Variants in NUDCD3 observed in about 807,000 individuals in gnomAD.
NUDCD3 encodes nudC domain-containing protein 3.
Under a neutral mutation model 39.7 loss-of-function variants are expected in NUDCD3, and 13 were observed. That is an observed-to-expected ratio of 0.33 (90% CI 0.21 to 0.52). NUDCD3 has a LOEUF of 0.52. Among genes scored for constraint, NUDCD3 ranks in the 20% least tolerant of loss-of-function variants. NUDCD3 has a pLI of 0.96. For synonymous variants in NUDCD3, 175 were observed against 172.4 expected, an observed-to-expected ratio of 1.02 and a Z score of -0.12; for missense variants, 453 against 458.1, an observed-to-expected ratio of 0.99 and a Z score of 0.10.
At chr7:44,490,345 G>C (rs1442796327) in intron 1 of NUDCD3, 64 bp downstream of exon 1, 3 of 1,403,470 alleles carry the variant, frequency 2.1e-6, no homozygotes, top group Non-Finnish European at 2.8e-6. Flanking sequence ...TGGAGGAGCG[G>C]GCGCCAGGAG....
chr7:44,386,543 C>A (rs922190579), intron 5 of NUDCD3, among the ~76,000 whole-genome samples: 3 of 152,190 alleles, frequency 2.0e-5, no homozygotes, highest in African/African-American at 7.2e-5. Flanking sequence ...AGAGAAAGTG[C>A]TCAAGCCCCA....
At chr7:44,420,347 CTG>C (rs1382792299) in intron 3 of NUDCD3, among the ~76,000 whole-genome samples, 1 of 152,048 alleles carries the variant, frequency 6.6e-6, no homozygotes, top group Non-Finnish European at 1.5e-5. Flanking sequence ...ATATGGGACT[CTG>C]TGAAAAGACC....
chr7:44,488,354 AAAAG>A (rs1477335992), intron 1 of NUDCD3, among the ~76,000 whole-genome samples: 2 of 151,582 alleles, frequency 1.3e-5, no homozygotes, highest in Admixed American at 6.6e-5. Context: ...AAAAAAAAAA[AAAAG>A]AAAGAAAAAA....
chr7:44,415,840 C>T (rs1052561898), intron 3 of NUDCD3, among the ~76,000 whole-genome samples: 2 of 152,148 alleles, frequency 1.3e-5, no homozygotes, highest in African/African-American at 2.4e-5. Flanking sequence ...GGGTTACCAT[C>T]GTGACAATGT....
At chr7:44,427,362 G>T (rs1427145185) in intron 3 of NUDCD3, among the ~76,000 whole-genome samples, 2 of 152,176 alleles carry the variant, frequency 1.3e-5, no homozygotes, top group Non-Finnish European at 2.9e-5. Context: ...CCAAAGGGAG[G>T]TTTCTGCAGA....
intron 2 of NUDCD3, among the ~76,000 whole-genome samples, chr7:44,457,437 T>A (rs1042520254): frequency 6.6e-6 from 1 of 152,208 alleles, no homozygotes; most frequent in Non-Finnish European, 1.5e-5. Context: ...CTAAAAACTA[T>A]GCATTAATAA....
At chr7:44,405,686 A>G (rs1798806719) in intron 3 of NUDCD3, among the ~76,000 whole-genome samples, 1 of 152,242 alleles carries the variant, frequency 6.6e-6, no homozygotes, top group African/African-American at 2.4e-5. Flanking sequence ...TCCAAACTGG[A>G]GTTTAGTATT....
In NUDCD3 at chr7:44,490,581, T is replaced by C; in HGVS notation, c.20A>G (p.Glu7Gly). 2 of 1,609,844 alleles carry C rather than the reference T, an allele frequency of 1.2e-6. No homozygotes were observed. The highest frequency in any genetic ancestry group is 1.7e-6 in the Non-Finnish European group (2 of 1,178,256). The change falls in exon 1 of 6, where the codon GAG becomes GGG. Residue 7 changes from glutamate (E) to glycine (G), a missense_variant. Physicochemically the swap from Glu to Gly is moderately conservative, Grantham distance 98. Transcript: ENST00000355451. Reference sequence around the variant, plus strand: ...GCCCAAAAGGGCCTGGTCATACAGCTCGGCCGCCCCTGTCTCCATGTCGCC... The same window carrying C: ...GCCCAAAAGGGCCTGGTCATACAGCCCGGCCGCCCCTGTCTCCATGTCGCC... METGAAELYDQALLGIL... is the reference protein window; with the variant it reads METGAAGLYDQALLGIL...
intron 3 of NUDCD3, among the ~76,000 whole-genome samples, chr7:44,411,221 G>A (rs757551791): frequency 2.6e-5 from 4 of 151,770 alleles, no homozygotes; most frequent in Non-Finnish European, 5.9e-5. Flanking sequence ...GTGATCTTGG[G>A]TTAGGCAACG....
At chr7:44,395,285 A>C (rs1220465430) in intron 4 of NUDCD3, among the ~76,000 whole-genome samples, 1 of 152,258 alleles carries the variant, frequency 6.6e-6, no homozygotes, top group Non-Finnish European at 1.5e-5. Flanking sequence ...TGTGCTGGGC[A>C]GTGCAGCTCT....
At chr7:44,486,616 A>T (rs1398283896) in intron 1 of NUDCD3, among the ~76,000 whole-genome samples, 1 of 152,178 alleles carries the variant, frequency 6.6e-6, no homozygotes, top group Non-Finnish European at 1.5e-5. Context: ...CCCTGACTTC[A>T]TTCTAACATT....
chr7:44,490,378 GC>G (rs1800710793), intron 1 of NUDCD3, 30 bp downstream of exon 1: 1 of 1,494,856 alleles, frequency 6.7e-7, no homozygotes, highest in African/African-American at 1.4e-5. Context: ...GGGGGCGGCG[GC>G]TCCCCAGACC....
intron 2 of NUDCD3, among the ~76,000 whole-genome samples, chr7:44,433,322 A>AGTATGTGTGCACT (rs1366516880): frequency 3.9e-5 from 6 of 152,104 alleles, no homozygotes; most frequent in Non-Finnish European, 7.4e-5. Flanking sequence ...GTGTGGTAAA[A>AGTATGTGTGCACT]GTATGTGTGC....
chr7:44,489,358 T>C (rs1429535160), intron 1 of NUDCD3, among the ~76,000 whole-genome samples: 1 of 152,244 alleles, frequency 6.6e-6, no homozygotes, highest in Non-Finnish European at 1.5e-5. Flanking sequence ...ACCCCATTCC[T>C]CGTTTGGCCC....
chr7:44,476,423 G>A (rs1361288468), intron 2 of NUDCD3, among the ~76,000 whole-genome samples: 3 of 152,274 alleles, frequency 2.0e-5, no homozygotes, highest in South Asian at 2.1e-4. Flanking sequence ...CAGATCCCTC[G>A]TGAATATGAG....
At chr7:44,416,486 C>T (rs1204452178) in intron 3 of NUDCD3, among the ~76,000 whole-genome samples, 1 of 148,040 alleles carries the variant, frequency 6.8e-6, no homozygotes, top group Non-Finnish European at 1.5e-5. Context: ...AGCGAGACTC[C>T]AAATCAAAAA....
At chr7:44,412,116 A>G (rs905746594) in intron 3 of NUDCD3, among the ~76,000 whole-genome samples, 2 of 152,262 alleles carry the variant, frequency 1.3e-5, no homozygotes, top group Admixed American at 6.5e-5. Flanking sequence ...AGGCCCCTCT[A>G]AGACTAGGAA....
chr7:44,444,754 CTTACCCACTG>C lies in NUDCD3; in HGVS notation c.510-17061_510-17052del, dbSNP rs146097452. ...TGGTCTCTTGGATCCCCAAGCCCTT[CTTACCCACTG>C]ATACCTTGCCTCATGCCTCACTCTT... On this transcript the variant is annotated intron_variant, in intron 2 of 5. Coordinates refer to ENST00000355451, the MANE Select transcript of NUDCD3 (RefSeq NM_015332.4). Among the ~76,000 whole-genome samples the C allele has an allele frequency of 5.0e-4, 76 of 152,310 alleles. No homozygotes were observed. The East Asian group carries it at 0.014, about 27-fold the overall frequency.
intron 2 of NUDCD3, among the ~76,000 whole-genome samples, chr7:44,437,995 T>C (rs1223431048): frequency 6.6e-6 from 1 of 152,158 alleles, no homozygotes; most frequent in African/African-American, 2.4e-5. Flanking sequence ...TTTAGCAGTA[T>C]TTAAGTGTGA....
Sources: gnomAD v4.1 joint callset for allele counts (sites outside exome capture counted in the v4.1 genomes callset) on GRCh38, gnomAD v4.1.1 for gene constraint, MANE v1.5 for transcripts, NCBI Gene and HGNC (gene_info 2026-07-23, HGNC 2026-07-21) for gene names.